The following OPCML variants were observed in gnomAD, a reference collection of about 807,000 sequenced individuals.
OPCML encodes the protein opioid binding protein/cell adhesion molecule like.
In OPCML, 13 loss-of-function variants were observed where a neutral mutation model predicts 37.8. The ratio of observed to expected loss-of-function variants is 0.34; its 90% CI spans 0.22 to 0.55. The LOEUF (loss-of-function observed/expected upper bound fraction) is 0.55, where lower values mean the gene tolerates loss of function less well. Among genes scored for constraint, OPCML ranks in the 20% least tolerant of loss-of-function variants. OPCML has a pLI of 0.91. For synonymous variants in OPCML, 176 were observed against 168.8 expected (o/e 1.04, Z -0.33); for missense variants, 341 against 435.6 (o/e 0.78, Z 1.93).
At chr11:133,286,470 CAAAAA>C (rs60645863) in intron 1 of OPCML, among the ~76,000 whole-genome samples, 1 of 51,304 alleles carries the variant, frequency 1.9e-5, no homozygotes, top group African/African-American at 6.5e-5. Context: ...CTGTGTCTCA[CAAAAA>C]AAAAAAAAAA....
At chr11:132,899,132 A>G (rs927543523) in intron 2 of OPCML, among the ~76,000 whole-genome samples, 12 of 152,184 alleles carry the variant, frequency 7.9e-5, no homozygotes, top group African/African-American at 2.4e-4. Flanking sequence ...CAGGTAATGA[A>G]CCATGACCAG....
At chr11:133,221,782 G>A (rs976229512) in intron 1 of OPCML, among the ~76,000 whole-genome samples, 1 of 152,144 alleles carries the variant, frequency 6.6e-6, no homozygotes, top group African/African-American at 2.4e-5. Flanking sequence ...GTTTTGACCT[G>A]TGTGAATTTG....
intron 2 of OPCML, among the ~76,000 whole-genome samples, chr11:132,867,183 GCA>G (rs1310111214): frequency 6.6e-6 from 1 of 152,184 alleles, no homozygotes; most frequent in African/African-American, 2.4e-5. Context: ...GAATGTTCTT[GCA>G]CACTCTGCCA....
chr11:133,055,444 A>T (rs1156384505), intron 1 of OPCML, among the ~76,000 whole-genome samples: 1 of 147,750 alleles, frequency 6.8e-6, no homozygotes, highest in African/African-American at 2.5e-5. Flanking sequence ...GATACTTCCA[A>T]GTGGTGAGAC....
At chr11:132,618,306 A>G (rs1331529838) in intron 3 of OPCML, among the ~76,000 whole-genome samples, 3 of 152,166 alleles carry the variant, frequency 2.0e-5, no homozygotes, top group Non-Finnish European at 4.4e-5. Flanking sequence ...ACATTCTTCA[A>G]AAATACTGGC....
chr11:132,725,858 C>G (rs974000891), intron 2 of OPCML, among the ~76,000 whole-genome samples: 1 of 151,838 alleles, frequency 6.6e-6, no homozygotes, highest in Non-Finnish European at 1.5e-5. Context: ...TTCCACAAAT[C>G]TCTTAGGCAG....
At chr11:133,014,605 G>A (rs1947285322) in intron 1 of OPCML, among the ~76,000 whole-genome samples, 2 of 152,130 alleles carry the variant, frequency 1.3e-5, no homozygotes, top group African/African-American at 4.8e-5. Flanking sequence ...ACAGTCCTTT[G>A]CCTTCATTCG....
At chr11:132,447,964 G>A (rs577961468) in intron 4 of OPCML, among the ~76,000 whole-genome samples, 50 of 152,376 alleles carry the variant, frequency 3.3e-4, no homozygotes, top group Non-Finnish European at 5.7e-4. Flanking sequence ...GCCAACCAGA[G>A]AGGGAATCAG....
At chr11:132,765,825 A>C (rs80245927) in intron 2 of OPCML, among the ~76,000 whole-genome samples, 1,609 of 152,282 alleles carry the variant, frequency 0.011, 13 homozygotes, top group Middle Eastern at 0.031. Context: ...TTGGTTCCTA[A>C]ATACCATCCA....
chr11:132,852,497 G>A (rs1941854716), intron 2 of OPCML, among the ~76,000 whole-genome samples: 1 of 152,080 alleles, frequency 6.6e-6, no homozygotes. Context: ...AGTAACAGAA[G>A]TGCCAAGGCA....
chr11:133,267,912 CTG>C (rs1428669068), intron 1 of OPCML, among the ~76,000 whole-genome samples: 1 of 152,190 alleles, frequency 6.6e-6, no homozygotes, highest in Admixed American at 6.5e-5. Flanking sequence ...CCATGTGGAA[CTG>C]TGAGTCAATT....
intron 4 of OPCML, among the ~76,000 whole-genome samples, chr11:132,506,631 T>C (rs145670891): frequency 5.3e-5 from 8 of 152,184 alleles, no homozygotes; most frequent in African/African-American, 7.2e-5. Flanking sequence ...TTACCTCCCA[T>C]AGAGGAAGTG....
chr11:132,480,378 C>T (rs2096175253), intron 4 of OPCML, among the ~76,000 whole-genome samples: 1 of 152,036 alleles, frequency 6.6e-6, no homozygotes, highest in African/African-American at 2.4e-5. Context: ...GTGAAAAGAC[C>T]AAATCTACGT....
intron 1 of OPCML, among the ~76,000 whole-genome samples, chr11:133,114,361 T>TC (rs1949300497): frequency 6.6e-6 from 1 of 152,216 alleles, no homozygotes; most frequent in Admixed American, 6.5e-5. Flanking sequence ...CTCTTTTTTT[T>TC]CTTTTTTTAA....
chr11:133,504,534 A>C (rs540826309), intron 1 of OPCML, among the ~76,000 whole-genome samples: 1 of 152,328 alleles, frequency 6.6e-6, no homozygotes, highest in African/African-American at 2.4e-5. Context: ...CCCCGCTTCC[A>C]TAACAGACTT....
Position 133,079,131 on chromosome 11 carries a change from G to A in OPCML, c.62-136121C>T, listed in dbSNP as rs844517. Among the ~76,000 whole-genome samples, 768 of 152,206 alleles carry A rather than the reference G, an allele frequency of 5.0e-3. 4 individuals are homozygous for A. Among genetic ancestry groups the A allele is most frequent in the South Asian group, 7.9e-3 (38 of 4,824 alleles). On this transcript the variant is annotated intron_variant, in intron 1 of 7. Coordinates refer to ENST00000524381, the MANE Select transcript of OPCML (RefSeq NM_001012393.5). ...GCCTGAATTGATCTCCGGGCCCCTG[G>A]CTCTCTCTGGATGAAGACATTTGCC...
At chr11:133,146,053 C>T (rs1010589784) in intron 1 of OPCML, among the ~76,000 whole-genome samples, 2 of 152,130 alleles carry the variant, frequency 1.3e-5, no homozygotes, top group Non-Finnish European at 2.9e-5. Context: ...ATGATTGAAG[C>T]GAGGGACTAG....
At chr11:132,851,723 T>C (rs976706105) in intron 2 of OPCML, among the ~76,000 whole-genome samples, 3 of 152,192 alleles carry the variant, frequency 2.0e-5, no homozygotes, top group African/African-American at 7.2e-5. Flanking sequence ...GTACTATGAT[T>C]TTCCCCAATT....
At chr11:133,069,244 AATGAAACC>A (rs1157568908) in intron 1 of OPCML, among the ~76,000 whole-genome samples, 2 of 152,230 alleles carry the variant, frequency 1.3e-5, no homozygotes, top group East Asian at 1.9e-4. Context: ...TATAAGTGAA[AATGAAACC>A]ATGAAACCAT....
Sources: allele counts gnomAD v4.1 joint callset (sites outside exome capture counted in the v4.1 genomes callset), GRCh38; gene constraint gnomAD v4.1.1; transcripts MANE v1.5; gene names NCBI Gene and HGNC (gene_info 2026-07-23, HGNC 2026-07-21).